The following PRIM2 variants were observed in gnomAD, a reference collection of about 807,000 sequenced individuals.
PRIM2 encodes the protein DNA primase large subunit.
In PRIM2, 39 loss-of-function variants were observed where a neutral mutation model predicts 67.3. The observed-to-expected ratio is 0.58, with a 90% confidence interval of 0.45 to 0.76. The LOEUF (loss-of-function observed/expected upper bound fraction) is 0.76. Ranked by LOEUF, PRIM2 falls within the 30% of genes least tolerant of loss-of-function variation. The probability of loss-of-function intolerance (pLI) is 0.00; values close to 1 mark genes in which losing one functional copy is unlikely to be tolerated. For synonymous variants in PRIM2, 143 were observed against 198.7 expected (o/e 0.72, Z 2.36); for missense variants, 398 against 598.7 (o/e 0.66, Z 3.50).
At chr6:57,493,427 T>C (rs1364520773) in intron 7 of PRIM2, among the ~76,000 whole-genome samples, 1 of 152,226 alleles carries the variant, frequency 6.6e-6, no homozygotes. Flanking sequence ...GACTTTAAAA[T>C]TATGTGAACT....
Position 57,374,303 on chromosome 6 carries a change from A to ATTTATTTTTTT in PRIM2, c.460-5595_460-5594insATTTTTTTTTT, listed in dbSNP as rs1554331462. 1.3e-3 allele frequency among the ~76,000 whole-genome samples: 184 copies of ATTTATTTTTTT among 139,856 alleles called. 3 individuals carry two copies. Among genetic ancestry groups the ATTTATTTTTTT allele is most frequent in the African/African-American group, 4.5e-3 (169 of 37,828 alleles). The allele number at this position is 139,856 out of a possible 152,430, so 91.8% of individuals were successfully genotyped here. On this transcript the variant is annotated intron_variant, in intron 5 of 13. Transcript: ENST00000615550. ...TATTTATTTATTTATTTATTTATTT[A>ATTTATTTTTTT]TTTTTTTTGAGACGGAGTTTCGCTC...
chr6:57,456,107 A>G lies in PRIM2; in HGVS notation c.694-51280A>G, dbSNP rs1459819322. Among the ~76,000 whole-genome samples, 831 of 152,242 alleles carry G rather than the reference A, an allele frequency of 5.5e-3. 17 individuals are homozygous for G. The highest frequency in any genetic ancestry group is 9.7e-4 in the Non-Finnish European group (66 of 68,012). ...ATTCTTTTCTTTAAGAATGTTGAAT[A>G]TTGGCCCCCACTCTCTTTTGGCTTG... On this transcript the variant is annotated intron_variant, in intron 7 of 13. Transcript: ENST00000615550.
At chr6:57,294,093 A>G in the PRIM2 span, among the ~76,000 whole-genome samples, 1 of 152,230 alleles carries the variant, frequency 6.6e-6, no homozygotes, top group African/African-American at 2.4e-5. Flanking sequence ...ATGGAATACT[A>G]TGGAACTATA....
chr6:57,458,229 T>A (rs1772873929), intron 7 of PRIM2, among the ~76,000 whole-genome samples: 2 of 152,192 alleles, frequency 1.3e-5, no homozygotes, highest in Admixed American at 6.5e-5. Flanking sequence ...GCAGTCATAA[T>A]TTGAAGCATT....
At chr6:57,248,133 T>C in the PRIM2 span, among the ~76,000 whole-genome samples, 1 of 152,198 alleles carries the variant, frequency 6.6e-6, no homozygotes. Flanking sequence ...TGTATTTACA[T>C]GTGACTTTGA....
chr6:57,270,604 T>C, the PRIM2 span, among the ~76,000 whole-genome samples: 1 of 152,336 alleles, frequency 6.6e-6, no homozygotes, highest in East Asian at 1.9e-4. Context: ...CCTTTCCTAA[T>C]TGAATGCCCT....
chr6:57,626,298 C>T (rs1429092301), intron 12 of PRIM2, among the ~76,000 whole-genome samples: 4 of 152,102 alleles, frequency 2.6e-5, no homozygotes, highest in African/African-American at 4.8e-5. Context: ...AAGTGTGGCT[C>T]AAAGTTATAA....
rs1315165633 is a variant in PRIM2, at chr6:57,538,386, A to G, written c.1020+761A>G. 6.6e-5 allele frequency among the ~76,000 whole-genome samples: 10 copies of G among 151,604 alleles called. No homozygotes were observed. The East Asian group carries it at 1.7e-3, about 26-fold the overall frequency. ...TATAAACCTGAACAACTTTTTAAAAACCCTATCTGCAGTGCTTATATTCCC... is the reference window on the plus strand; with the variant it reads ...TATAAACCTGAACAACTTTTTAAAAGCCCTATCTGCAGTGCTTATATTCCC... On this transcript the variant is annotated intron_variant, in intron 10 of 13. Coordinates refer to ENST00000615550, the MANE Select transcript of PRIM2 (RefSeq NM_000947.5).
chr6:57,416,690 C>T, intron 7 of PRIM2, among the ~76,000 whole-genome samples: 1 of 152,274 alleles, frequency 6.6e-6, no homozygotes, highest in East Asian at 1.9e-4. Context: ...GCTAGATATT[C>T]TGGATAACTT....
chr6:57,500,957 A>C (rs1774117825), intron 7 of PRIM2, among the ~76,000 whole-genome samples: 2 of 152,254 alleles, frequency 1.3e-5, no homozygotes, highest in Non-Finnish European at 2.9e-5. Flanking sequence ...TATGTGCTTC[A>C]GAACTTTCTT....
chr6:57,496,853 G>A (rs1419818344), intron 7 of PRIM2, among the ~76,000 whole-genome samples: 3 of 152,118 alleles, frequency 2.0e-5, no homozygotes, highest in Admixed American at 6.6e-5. Context: ...TGTCATCTCT[G>A]TCTCTCTGAA....
chr6:57,334,094 C>T (rs1036512021), intron 5 of PRIM2, among the ~76,000 whole-genome samples: 1 of 152,186 alleles, frequency 6.6e-6, no homozygotes, highest in Non-Finnish European at 1.5e-5. Flanking sequence ...CTGGTAATCA[C>T]TATTTTACCC....
chr6:57,542,779 T>G (rs1445508914), intron 10 of PRIM2, among the ~76,000 whole-genome samples: 6 of 151,810 alleles, frequency 4.0e-5, no homozygotes, highest in African/African-American at 1.5e-4. Flanking sequence ...TTCTCAGCTA[T>G]ATCGTTTACA....
At chr6:57,485,856 G>A (rs1385794292) in intron 7 of PRIM2, among the ~76,000 whole-genome samples, 1 of 152,160 alleles carries the variant, frequency 6.6e-6, no homozygotes, top group Non-Finnish European at 1.5e-5. Flanking sequence ...ACAAGCCCTG[G>A]CTTCCCCCTT....
At position 57,590,791 on chromosome 6, in the gene PRIM2, G is replaced by A. The variant is rs1450775928; in HGVS notation, c.1021-10302G>A. On this transcript the variant is annotated intron_variant, in intron 10 of 13. Coordinates refer to ENST00000615550, the MANE Select transcript of PRIM2 (RefSeq NM_000947.5). ...CCTGACTAAAGTTTGGTCAAGGAGA[G>A]CATTTTATCACTGTGTGCAGGACGC... is the stretch of plus-strand genomic sequence containing the variant. Among the ~76,000 whole-genome samples, 5 of 152,314 alleles carry A rather than the reference G, an allele frequency of 3.3e-5. No homozygotes were observed. In the East Asian group the frequency reaches 7.7e-4, roughly 23 times the overall value.
rs1767553793 is a variant in PRIM2, at chr6:57,318,639, A to C, written c.154+40A>C. ...AATTAGAATGTATATATTCTTGAGA[A>C]GCTCACTTACCCTTTGTGAGAATGA... On this transcript the variant is annotated intron_variant, in intron 2 of 13. Transcript: ENST00000615550. The C allele has an allele frequency of 2.7e-6, 4 of 1,461,110 alleles. No homozygotes were observed. In the South Asian group the frequency reaches 4.9e-5, roughly 18 times the overall value. 90.5% of individuals were successfully genotyped at this position (1,461,110 alleles called of 1,614,324 possible). A position where few individuals can be genotyped will look rare whatever the true frequency, so the allele number is the denominator to read the frequency against.
At chr6:57,379,422 TA>T (rs1769880193) in intron 5 of PRIM2, among the ~76,000 whole-genome samples, 1 of 151,462 alleles carries the variant, frequency 6.6e-6, no homozygotes, top group Non-Finnish European at 1.5e-5. Context: ...CAGTCTGAGA[TA>T]ATAAATTTAT....
chr6:57,288,673 A>G, the PRIM2 span, among the ~76,000 whole-genome samples: 1 of 152,116 alleles, frequency 6.6e-6, no homozygotes, highest in Non-Finnish European at 1.5e-5. Flanking sequence ...TCTGGAGTGG[A>G]CCTCCAGAAA....
At chr6:57,440,066 A>G (rs1049167026) in intron 7 of PRIM2, among the ~76,000 whole-genome samples, 3 of 151,512 alleles carry the variant, frequency 2.0e-5, no homozygotes, top group Non-Finnish European at 4.4e-5. Flanking sequence ...GAAAAGTACC[A>G]ATAAGAAAAT....
Sources: gnomAD v4.1 joint callset for allele counts (sites outside exome capture counted in the v4.1 genomes callset) on GRCh38, gnomAD v4.1.1 for gene constraint, MANE v1.5 for transcripts, NCBI Gene and HGNC (gene_info 2026-07-23, HGNC 2026-07-21) for gene names.